CYYR1: variants seen among roughly 807,000 people sequenced by gnomAD.
CYYR1 encodes cysteine and tyrosine-rich protein 1.
In CYYR1, 14 loss-of-function variants were observed where a neutral mutation model predicts 15.2. The ratio of observed to expected loss-of-function variants is 0.92; its 90% CI spans 0.61 to 1.44. The LOEUF (loss-of-function observed/expected upper bound fraction) is 1.44. Among genes scored for constraint, CYYR1 ranks in the 40% most tolerant of loss-of-function variants. The pLI is 0.00. For missense variants in CYYR1, 228 were observed against 209.5 expected (o/e 1.09, Z -0.54); for synonymous variants, 80 against 77.4 (o/e 1.03, Z -0.18).
rs537163312 is a variant in CYYR1, at chr21:26,487,085, A to C, written c.177-6656T>G. Among the ~76,000 whole-genome samples, 18 of 152,200 alleles carry C rather than the reference A, an allele frequency of 1.2e-4. No individual in the cohort carries two copies. The South Asian group carries it at 3.5e-3, about 30-fold the overall frequency. On this transcript the variant is annotated intron_variant, in intron 2 of 3. Coordinates refer to ENST00000652641, the MANE Select transcript of CYYR1 (RefSeq NM_001320768.2). Reference sequence around the variant, plus strand: ...GATATCTATATTTGATACCACACGGATATTTTACACCTATACAAAAAGTGG... The same window carrying C: ...GATATCTATATTTGATACCACACGGCTATTTTACACCTATACAAAAAGTGG...
chr21:26,548,811 C>T (rs1435155962), intron 2 of CYYR1, among the ~76,000 whole-genome samples: 2 of 152,106 alleles, frequency 1.3e-5, no homozygotes, highest in Non-Finnish European at 2.9e-5. Context: ...AGAAAGTACT[C>T]CTAGGTGATT....
At position 26,466,985 on chromosome 21, in the gene CYYR1, T is replaced by C. The variant is rs1410982384; in HGVS notation, c.*1516A>G. 6.6e-6 allele frequency: 1 copy of C among 152,192 alleles called. No individual in the cohort carries two copies. The highest frequency in any genetic ancestry group is 1.5e-5 in the Non-Finnish European group (1 of 68,026). 9.4% of individuals were successfully genotyped at this position (152,192 alleles called of 1,614,324 possible). A position where few individuals can be genotyped will look rare whatever the true frequency, so the allele number is the denominator to read the frequency against. On this transcript the variant is annotated 3_prime_UTR_variant, in exon 4 of 4. Transcript: ENST00000652641. ...ATAGGTATTTGAAAGTAATATATGC[T>C]ACTTATAATAATGATATAGTAAGCT...
At chr21:26,510,677 T>C (rs1177969659) in intron 2 of CYYR1, among the ~76,000 whole-genome samples, 2 of 152,340 alleles carry the variant, frequency 1.3e-5, no homozygotes, top group South Asian at 2.1e-4. Context: ...TTTAAGGATA[T>C]ATTAAAATCT....
intron 2 of CYYR1, among the ~76,000 whole-genome samples, chr21:26,506,164 T>C (rs527612134): frequency 1.4e-4 from 21 of 152,290 alleles, no homozygotes; most frequent in African/African-American, 4.8e-4. Context: ...CCTCTCCATC[T>C]AGAAAAGGGG....
chr21:26,541,771 A>G (rs975406738), intron 2 of CYYR1, among the ~76,000 whole-genome samples: 2 of 152,240 alleles, frequency 1.3e-5, no homozygotes, highest in East Asian at 3.8e-4. Context: ...GAGGTAAAAG[A>G]CCTATAGGAT....
At chr21:26,557,192 C>T (rs759522225) in intron 2 of CYYR1, among the ~76,000 whole-genome samples, 5 of 152,154 alleles carry the variant, frequency 3.3e-5, no homozygotes, top group Admixed American at 6.5e-5. Context: ...TGACAGAGAA[C>T]GCATTAAATA....
chr21:26,553,754 A>G (rs1261247933), intron 2 of CYYR1, among the ~76,000 whole-genome samples: 1 of 152,292 alleles, frequency 6.6e-6, no homozygotes, highest in South Asian at 2.1e-4. Context: ...TGTTTTCTTC[A>G]TCTTACTCAG....
At chr21:26,558,210 C>T (rs916047376) in intron 2 of CYYR1, among the ~76,000 whole-genome samples, 7 of 152,196 alleles carry the variant, frequency 4.6e-5, no homozygotes, top group African/African-American at 1.7e-4. Flanking sequence ...GACTCCATTA[C>T]AACCATGATC....
chr21:26,511,410 G>A (rs777542991), intron 2 of CYYR1, among the ~76,000 whole-genome samples: 19 of 152,132 alleles, frequency 1.2e-4, no homozygotes, highest in African/African-American at 2.7e-4. Flanking sequence ...CTAGTCATTG[G>A]CTCACATAGT....
chr21:26,564,717 T>C, intron 2 of CYYR1: 1 of 1,206,500 alleles, frequency 8.3e-7, no homozygotes, highest in Non-Finnish European at 1.1e-6. Flanking sequence ...CATGATATAG[T>C]TAGTGAATCA....
intron 2 of CYYR1, among the ~76,000 whole-genome samples, chr21:26,495,749 A>G (rs928265629): frequency 2.6e-4 from 40 of 152,376 alleles, no homozygotes; most frequent in Middle Eastern, 3.4e-3. Flanking sequence ...CAGAGATTTC[A>G]GGGTTTATTT....
intron 2 of CYYR1, among the ~76,000 whole-genome samples, chr21:26,555,154 A>G (rs1427734991): frequency 6.6e-6 from 1 of 152,178 alleles, no homozygotes; most frequent in African/African-American, 2.4e-5. Flanking sequence ...TCAAGAATAG[A>G]ATCACAAAGC....
intron 3 of CYYR1, among the ~76,000 whole-genome samples, chr21:26,468,917 G>T (rs1344946108): frequency 6.7e-6 from 1 of 150,110 alleles, no homozygotes; most frequent in African/African-American, 2.5e-5. Context: ...TTGATCAAAA[G>T]CACTGAAGCG....
intron 2 of CYYR1, chr21:26,564,832 T>C: frequency 1.6e-6 from 2 of 1,228,166 alleles, no homozygotes; most frequent in Non-Finnish European, 2.1e-6. Flanking sequence ...GCATCTGGTA[T>C]GTGGAGACAG....
intron 2 of CYYR1, among the ~76,000 whole-genome samples, chr21:26,500,807 T>G (rs933661392): frequency 1.3e-5 from 2 of 152,190 alleles, no homozygotes; most frequent in African/African-American, 2.4e-5. Flanking sequence ...AAGTCTAAGA[T>G]GTTTACTGAC....
intron 2 of CYYR1, among the ~76,000 whole-genome samples, chr21:26,558,308 T>C (rs778662059): frequency 6.6e-6 from 1 of 152,176 alleles, no homozygotes; most frequent in Non-Finnish European, 1.5e-5. Flanking sequence ...TGCCACTACC[T>C]GGATTTATTA....
At chr21:26,572,708 T>C (rs943762863) in intron 1 of CYYR1, among the ~76,000 whole-genome samples, 160 bp downstream of exon 1, 7 of 152,220 alleles carry the variant, frequency 4.6e-5, no homozygotes, top group Admixed American at 1.3e-4. Flanking sequence ...CGGCTGGAAG[T>C]GCGCGGGTTT....
At chr21:26,505,377 G>A (rs781402371) in intron 2 of CYYR1, among the ~76,000 whole-genome samples, 31 of 152,164 alleles carry the variant, frequency 2.0e-4, no homozygotes, top group Non-Finnish European at 3.8e-4. Context: ...GGAGGCTGCC[G>A]GAAGATGGTG....
intron 3 of CYYR1, among the ~76,000 whole-genome samples, chr21:26,476,333 G>A (rs570305614): frequency 3.3e-5 from 5 of 152,200 alleles, no homozygotes; most frequent in East Asian, 1.9e-4. Flanking sequence ...TTTAGTAACC[G>A]TAAAGTTACT....
Sources: gnomAD v4.1 joint callset for allele counts (sites outside exome capture counted in the v4.1 genomes callset) on GRCh38, gnomAD v4.1.1 for gene constraint, MANE v1.5 for transcripts, NCBI Gene and HGNC (gene_info 2026-07-23, HGNC 2026-07-21) for gene names.